Variants in MAN1A1 observed in about 807,000 individuals in gnomAD.
MAN1A1 encodes the protein mannosyl-oligosaccharide 1,2-alpha-mannosidase IA.
Under a neutral mutation model 70.8 loss-of-function variants are expected in MAN1A1, and 29 were observed. The ratio of observed to expected loss-of-function variants is 0.41; its 90% CI spans 0.31 to 0.56. MAN1A1 has a LOEUF of 0.56. Among genes scored for constraint, MAN1A1 ranks in the 20% least tolerant of loss-of-function variants. MAN1A1 has a pLI of 0.29. For synonymous variants in MAN1A1, 349 were observed against 330.1 expected (o/e 1.06, Z -0.62); for missense variants, 747 against 841.3 (o/e 0.89, Z 1.39).
chr6:119,235,979 A>G (rs1313794203), intron 6 of MAN1A1, among the ~76,000 whole-genome samples: 1 of 152,048 alleles, frequency 6.6e-6, no homozygotes, highest in Non-Finnish European at 1.5e-5. Flanking sequence ...CTCTACTAAA[A>G]ATACAAAAAA....
At chr6:119,195,753 T>C (rs1773552514) in intron 8 of MAN1A1, among the ~76,000 whole-genome samples, 1 of 152,230 alleles carries the variant, frequency 6.6e-6, no homozygotes, top group Non-Finnish European at 1.5e-5. Flanking sequence ...CTGTAACTAC[T>C]CAAGCTAAAG....
chr6:119,326,703 C>T (rs1295756607), intron 2 of MAN1A1, among the ~76,000 whole-genome samples: 1 of 152,064 alleles, frequency 6.6e-6, no homozygotes. Flanking sequence ...AGGAAGAGCC[C>T]CTTATAAAAC....
At chr6:119,244,972 G>T (rs1775132677) in intron 6 of MAN1A1, among the ~76,000 whole-genome samples, 1 of 152,096 alleles carries the variant, frequency 6.6e-6, no homozygotes, top group African/African-American at 2.4e-5. Flanking sequence ...AAAAGGTAAA[G>T]AAACCAATTA....
In MAN1A1 at chr6:119,348,336, G is replaced by T. The variant is rs576098690; in HGVS notation, c.603+127C>A. 4.4e-6 allele frequency: 4 copies of T among 909,350 alleles called. No individual in the cohort carries two copies. The East Asian group carries it at 1.1e-4, about 25-fold the overall frequency. The allele number at this position is 909,350 out of a possible 1,614,324, so 56.3% of individuals were successfully genotyped here. On this transcript the variant is annotated intron_variant, in intron 2 of 12. Transcript: ENST00000368468. ...AGAAAGAGCTTTTGACACAGCACCT[G>T]GTGGAAGGGGCAAACCTCCATCTCC...
At chr6:119,221,472 CTTTTTT>C (rs5879491) in intron 6 of MAN1A1, among the ~76,000 whole-genome samples, 3 of 130,388 alleles carry the variant, frequency 2.3e-5, no homozygotes, top group African/African-American at 5.7e-5. Context: ...ATTTTCTTTT[CTTTTTT>C]TTTTTTTTTT....
At chr6:119,342,121 G>C (rs888800557) in intron 2 of MAN1A1, among the ~76,000 whole-genome samples, 3 of 152,152 alleles carry the variant, frequency 2.0e-5, no homozygotes, top group African/African-American at 7.2e-5. Context: ...TATGCAGTAA[G>C]TATATCATTC....
At chr6:119,236,808 T>C (rs975344149) in intron 6 of MAN1A1, among the ~76,000 whole-genome samples, 1 of 151,994 alleles carries the variant, frequency 6.6e-6, no homozygotes, top group African/African-American at 2.4e-5. Flanking sequence ...ATTCCTCTGA[T>C]GGATCTAGGC....
chr6:119,257,358 T>A (rs1775487789), intron 5 of MAN1A1, among the ~76,000 whole-genome samples: 1 of 152,112 alleles, frequency 6.6e-6, no homozygotes, highest in South Asian at 2.1e-4. Flanking sequence ...CTTAAGGAAG[T>A]CCTAACACTA....
chr6:119,292,432 C>T (rs1249600583), intron 4 of MAN1A1, among the ~76,000 whole-genome samples: 1 of 152,042 alleles, frequency 6.6e-6, no homozygotes, highest in East Asian at 1.9e-4. Context: ...TAAGCAACTA[C>T]TATGTGCCAG....
At chr6:119,232,520 C>A (rs1435728096) in intron 6 of MAN1A1, among the ~76,000 whole-genome samples, 1 of 152,024 alleles carries the variant, frequency 6.6e-6, no homozygotes, top group Non-Finnish European at 1.5e-5. Flanking sequence ...CCTGCCTTTG[C>A]CCTGAGTATT....
chr6:119,259,442 A>C (rs1775547161), intron 5 of MAN1A1, among the ~76,000 whole-genome samples: 1 of 152,176 alleles, frequency 6.6e-6, no homozygotes, highest in Non-Finnish European at 1.5e-5. Context: ...CTATGTATAC[A>C]GGTTTTGTTT....
Position 119,189,812 on chromosome 6 carries a change from G to A in MAN1A1, c.1398C>T (p.Leu466=), listed in dbSNP as rs775964229. Residue 466 remains leucine (L), a synonymous_variant, in exon 10 of 13, where the codon CTC becomes CTT. Coordinates refer to ENST00000368468, the MANE Select transcript of MAN1A1 (RefSeq NM_005907.4). The stretch of plus-strand genomic sequence containing the variant: ...TCAGGTGGCCCATCTTGTGCTCCAG[G>A]AGGCCCCCTTTCCACTCTGCGATAT... ...LTYIAEWKGG[L]LEHKMGHLTC... 11 of 1,613,996 alleles carry A rather than the reference G, an allele frequency of 6.8e-6. 1 individual carries two copies. The highest frequency in any genetic ancestry group is 6.6e-5 in the South Asian group (6 of 91,076).
rs138044330 is a variant in MAN1A1 at position 119,191,082 on chromosome 6, A to G, written c.1327-1199T>C. Among the ~76,000 whole-genome samples the G allele has an allele frequency of 3.4e-4, 52 of 152,328 alleles. 1 individual carries two copies. In the East Asian group the frequency reaches 9.8e-3, roughly 29 times the overall value. ...CCTTTCCTACCTTTATTAGAAATAA[A>G]CGAATGAAACCAAGATGGTAAGAAA... On this transcript the variant is annotated intron_variant, in intron 9 of 12. Transcript: ENST00000368468.
chr6:119,307,213 T>C lies in MAN1A1; in HGVS notation c.604-221A>G, dbSNP rs539699051. Among the ~76,000 whole-genome samples, 6 of 152,344 alleles carry C rather than the reference T, an allele frequency of 3.9e-5. No individual in the cohort carries two copies. The East Asian group carries it at 1.2e-3, about 29-fold the overall frequency. ...TTTTATGTTTACAAATGGGAAGTTTTCGTTTTTGAGTCCATTTAATCCTAT... is the reference window on the plus strand; with the variant it reads ...TTTTATGTTTACAAATGGGAAGTTTCCGTTTTTGAGTCCATTTAATCCTAT... On this transcript the variant is annotated intron_variant, in intron 2 of 12. Coordinates refer to ENST00000368468, the MANE Select transcript of MAN1A1 (RefSeq NM_005907.4).
At chr6:119,206,567 A>G (rs749399696) in intron 6 of MAN1A1, among the ~76,000 whole-genome samples, 2 of 152,222 alleles carry the variant, frequency 1.3e-5, no homozygotes, top group African/African-American at 4.8e-5. Flanking sequence ...TGAAAATGAT[A>G]TATTCATTTA....
chr6:119,210,194 T>C (rs547704420), intron 6 of MAN1A1, among the ~76,000 whole-genome samples: 58 of 152,308 alleles, frequency 3.8e-4, no homozygotes, highest in African/African-American at 1.4e-3. Flanking sequence ...ACAAATAACC[T>C]GCTCCTGAGA....
At chr6:119,335,975 A>G (rs1773439500) in intron 2 of MAN1A1, among the ~76,000 whole-genome samples, 1 of 152,260 alleles carries the variant, frequency 6.6e-6, no homozygotes, top group African/African-American at 2.4e-5. Context: ...TCACTGGACC[A>G]GAAGCATCAG....
rs1441510543 is a variant in MAN1A1, at chr6:119,249,605, C to CAT, written c.898-1252_898-1251insAT. 2.0e-5 allele frequency among the ~76,000 whole-genome samples: 3 copies of CAT among 152,072 alleles called. No individual in the cohort carries two copies. The South Asian group carries it at 6.2e-4, about 32-fold the overall frequency. ...AAATGGAGGCAAAGTTCTCTGTCAGCCACTGGGGAAGCATTCACTAAAGCA... is the reference window on the plus strand; with the variant it reads ...AAATGGAGGCAAAGTTCTCTGTCAGCATCACTGGGGAAGCATTCACTAAAGCA... On this transcript the variant is annotated intron_variant, in intron 5 of 12. Coordinates refer to ENST00000368468, the MANE Select transcript of MAN1A1 (RefSeq NM_005907.4).
chr6:119,328,760 A>T (rs867857337), intron 2 of MAN1A1, among the ~76,000 whole-genome samples: 1 of 152,238 alleles, frequency 6.6e-6, no homozygotes, highest in Middle Eastern at 3.2e-3. Context: ...TCACATAATG[A>T]AGCAGCAATA....
Sources: gnomAD v4.1 joint callset for allele counts (sites outside exome capture counted in the v4.1 genomes callset) on GRCh38, gnomAD v4.1.1 for gene constraint, MANE v1.5 for transcripts, NCBI Gene and HGNC (gene_info 2026-07-23, HGNC 2026-07-21) for gene names.